MEIOSIN: variants seen among roughly 807,000 people sequenced by gnomAD.
MEIOSIN encodes meiosis initiator protein.
Under a neutral mutation model 23.4 loss-of-function variants are expected in MEIOSIN, and 18 were observed. That is an observed-to-expected ratio of 0.77 (90% CI 0.53 to 1.14). MEIOSIN has a LOEUF of 1.14. Ranked by LOEUF, MEIOSIN falls within the 50% of genes most tolerant of loss-of-function variation. The pLI, the probability that MEIOSIN is intolerant of heterozygous loss-of-function variation, is 0.00. For synonymous variants in MEIOSIN, 187 were observed against 100.6 expected, an observed-to-expected ratio of 1.86 and a Z score of -5.14; for missense variants, 428 against 242.9, an observed-to-expected ratio of 1.76 and a Z score of -5.07.
At position 45,752,749 on chromosome 19, in the gene MEIOSIN, G is replaced by C. The variant is rs536143125; in HGVS notation, c.419-902G>C. 7.9e-5 allele frequency among the ~76,000 whole-genome samples: 12 copies of C among 152,144 alleles called. No homozygotes were observed. In the South Asian group the frequency reaches 2.1e-3, roughly 26 times the overall value. On this transcript the variant is annotated intron_variant, in intron 5 of 14. Coordinates refer to ENST00000457052, the MANE Select transcript of MEIOSIN (RefSeq NM_001310124.2). ...TTGCAGGTGATGGAACTGAAGCCCA[G>C]AGAGGTTAAGGTCACAGAGATGAGC...
At chr19:45,753,549 C>A (rs1027458009) in intron 5 of MEIOSIN, 102 bp from the exon 6 acceptor site, 1 of 605,602 alleles carries the variant, frequency 1.7e-6, no homozygotes, top group Non-Finnish European at 3.0e-6. Flanking sequence ...CCTGGGGGCC[C>A]ACCCTGACCC....
chr19:45,744,320 T>C (rs1253367344), intron 3 of MEIOSIN, among the ~76,000 whole-genome samples: 1 of 151,626 alleles, frequency 6.6e-6, no homozygotes, highest in Admixed American at 6.6e-5. Context: ...ATGCCCGGCC[T>C]CCTTTTACAA....
Position 45,749,907 on chromosome 19 carries a change from G to A in MEIOSIN, c.307-768G>A, listed in dbSNP as rs183813653. On this transcript the variant is annotated intron_variant, in intron 4 of 14. Coordinates refer to ENST00000457052, the MANE Select transcript of MEIOSIN (RefSeq NM_001310124.2). The stretch of plus-strand genomic sequence containing the variant: ...TAGTCCCAGCTACTCAGGAGGCTGA[G>A]GCAGGAGAATTGCTTGAACCTGGCA... Among the ~76,000 whole-genome samples the A allele has an allele frequency of 6.9e-4, 104 of 151,370 alleles. 1 individual carries two copies. The highest frequency in any genetic ancestry group is 2.4e-3 in the African/African-American group (98 of 41,314).
At chr19:45,738,574 G>A (rs1304696732) in intron 2 of MEIOSIN, among the ~76,000 whole-genome samples, 1 of 152,190 alleles carries the variant, frequency 6.6e-6, no homozygotes, top group African/African-American at 2.4e-5. Context: ...AGCCAAGATC[G>A]CGCCGCTGCG....
At chr19:45,747,593 C>T (rs1046480950) in intron 4 of MEIOSIN, among the ~76,000 whole-genome samples, 4 of 152,320 alleles carry the variant, frequency 2.6e-5, no homozygotes, top group Middle Eastern at 6.8e-3. Context: ...CAGTAACAAC[C>T]GTTCCCAACT....
At chr19:45,762,594 G>A (rs969237908) in intron 13 of MEIOSIN, among the ~76,000 whole-genome samples, 4 of 151,872 alleles carry the variant, frequency 2.6e-5, no homozygotes, top group African/African-American at 4.8e-5. Context: ...GATAACAGGC[G>A]CGCCATCAGC....
rs777831956 is a variant in MEIOSIN at position 45,763,338 on chromosome 19, A to C, written c.1680A>C (p.Arg560=). 2.5e-5 allele frequency: 10 copies of C among 398,716 alleles called. No homozygotes were observed. The highest frequency in any genetic ancestry group is 4.1e-5 in the African/African-American group (2 of 48,600). The allele number at this position is 398,716 out of a possible 1,614,324, so 24.7% of individuals were successfully genotyped here. A position where few individuals can be genotyped will look rare whatever the true frequency, so the allele number is the denominator to read the frequency against. ...FCRMNRKQYI[R]SCPGTASTAA... is the part of the protein sequence containing the mutation. ...TACCTCCTCCTCCTTCCTGTCCCAG[A>C]TCCTGCCCTGGAACCGCTTCCACAG... Residue 560 remains arginine, a splice_region_variant and synonymous_variant, in exon 14 of 15, where the codon CGA becomes CGC. Transcript: ENST00000457052.
At chr19:45,746,155 C>A (rs547102017) in intron 4 of MEIOSIN, among the ~76,000 whole-genome samples, 58 of 152,032 alleles carry the variant, frequency 3.8e-4, no homozygotes, top group African/African-American at 1.4e-3. Context: ...TTGGTAGAGA[C>A]GAGGTTTTAC....
chr19:45,750,308 G>C (rs1968674513), intron 4 of MEIOSIN, among the ~76,000 whole-genome samples: 1 of 146,284 alleles, frequency 6.8e-6, no homozygotes, highest in Non-Finnish European at 1.5e-5. Context: ...ACATTGTCTT[G>C]AGCCCTGGCT....
intron 5 of MEIOSIN, among the ~76,000 whole-genome samples, chr19:45,752,565 C>G (rs977106592): frequency 1.3e-5 from 2 of 152,050 alleles, no homozygotes; most frequent in Non-Finnish European, 2.9e-5. Context: ...GTTGCCCAAG[C>G]TGGTCTTAAA....
Position 45,752,537 on chromosome 19 carries a change from G to C in MEIOSIN, c.419-1114G>C, listed in dbSNP as rs150750197. ...TAATATTTTTGTTTGTTTTTTTGTA[G>C]AGACAGAGTCTCACTGTGTTGCCCA... On this transcript the variant is annotated intron_variant, in intron 5 of 14. Coordinates refer to ENST00000457052, the MANE Select transcript of MEIOSIN (RefSeq NM_001310124.2). 3.2e-3 allele frequency among the ~76,000 whole-genome samples: 483 copies of C among 152,002 alleles called. 4 individuals carry two copies. The highest frequency in any genetic ancestry group is 0.011 in the African/African-American group (441 of 41,480).
At chr19:45,738,759 G>A (rs1213652543) in intron 2 of MEIOSIN, among the ~76,000 whole-genome samples, 1 of 152,146 alleles carries the variant, frequency 6.6e-6, no homozygotes, top group African/African-American at 2.4e-5. Context: ...GTTGTAAGAC[G>A]AGGACTGTGT....
At chr19:45,744,688 A>G (rs1968561738) in intron 3 of MEIOSIN, among the ~76,000 whole-genome samples, 1 of 149,874 alleles carries the variant, frequency 6.7e-6, no homozygotes, top group Admixed American at 6.6e-5. Flanking sequence ...GCTCACTGCA[A>G]CTTCCACCTC....
intron 5 of MEIOSIN, among the ~76,000 whole-genome samples, chr19:45,752,928 T>C (rs1019618510): frequency 3.9e-4 from 58 of 149,726 alleles, no homozygotes; most frequent in African/African-American, 1.4e-3. Context: ...TCTTTTTTTT[T>C]TTTTTTTTTT....
chr19:45,745,614 G>A (rs1032853380), intron 4 of MEIOSIN, among the ~76,000 whole-genome samples: 2 of 152,200 alleles, frequency 1.3e-5, no homozygotes, highest in Admixed American at 6.6e-5. Flanking sequence ...TAGCTTCACA[G>A]CTACAGAACT....
intron 8 of MEIOSIN, among the ~76,000 whole-genome samples, chr19:45,756,350 G>A (rs1039235730): frequency 6.6e-6 from 1 of 152,218 alleles, no homozygotes; most frequent in Non-Finnish European, 1.5e-5. Context: ...TTCCAACACA[G>A]AGACGTTGAC....
intron 2 of MEIOSIN, 27 bp downstream of exon 2, chr19:45,735,474 A>G: frequency 1.4e-6 from 1 of 692,090 alleles, no homozygotes; most frequent in Non-Finnish European, 2.6e-6. Flanking sequence ...TCTCCCTTAT[A>G]GCCCCAGCCA....
intron 7 of MEIOSIN, among the ~76,000 whole-genome samples, chr19:45,755,669 G>A (rs1300268975): frequency 1.3e-5 from 2 of 152,032 alleles, no homozygotes; most frequent in African/African-American, 2.4e-5. Context: ...GGCTGGTCTT[G>A]AACTCCTGAC....
In MEIOSIN at chr19:45,750,686, G is replaced by T; in HGVS notation, c.318G>T (p.Leu106=). ...TTCTTTTGAGGCAGAAGGAGATTCTGGTGCATGTCCTGCAGTACATTCAGT... is the reference window on the plus strand; with the variant it reads ...TTCTTTTGAGGCAGAAGGAGATTCTTGTGCATGTCCTGCAGTACATTCAGT... ...GTKKLTKKEI[L]VHVLQYIQYL... is the part of the protein sequence containing the mutation. Residue 106 remains leucine, a synonymous_variant, in exon 5 of 15, where the codon CTG becomes CTT. Coordinates refer to ENST00000457052, the MANE Select transcript of MEIOSIN (RefSeq NM_001310124.2). The T allele has an allele frequency of 1.7e-6, 1 of 586,466 alleles. No homozygotes were observed. Among genetic ancestry groups the T allele is most frequent in the Non-Finnish European group, 3.0e-6 (1 of 332,022 alleles). The allele number at this position is 586,466 out of a possible 1,614,324, so 36.3% of individuals were successfully genotyped here. A position where few individuals can be genotyped will look rare whatever the true frequency, so the allele number is the denominator to read the frequency against.
Sources: gnomAD v4.1 joint callset for allele counts (sites outside exome capture counted in the v4.1 genomes callset) on GRCh38, gnomAD v4.1.1 for gene constraint, MANE v1.5 for transcripts, NCBI Gene and HGNC (gene_info 2026-07-23, HGNC 2026-07-21) for gene names.